The following PCDHGA1 variants were observed in gnomAD, a reference collection of about 807,000 sequenced individuals.
PCDHGA1 encodes the protein protocadherin gamma-A1.
PCDHGA1 carries 32 observed loss-of-function variants against 58.0 expected under a neutral mutation model. The observed-to-expected ratio is 0.55, with a 90% CI of 0.42 to 0.74. The LOEUF is 0.74. PCDHGA1 is among the 30% of genes least tolerant of loss of function. PCDHGA1 has a pLI of 0.00. For synonymous variants in PCDHGA1, 498 were observed against 501.1 expected, an observed-to-expected ratio of 0.99 and a Z score of 0.08; for missense variants, 1,205 against 1,182.3, an observed-to-expected ratio of 1.02 and a Z score of -0.28.
In PCDHGA1 at chr5:141,497,558, TA is replaced by T. The variant is rs543126612; in HGVS notation, c.2480+2694del. 6.7e-3 allele frequency among the ~76,000 whole-genome samples: 979 copies of T among 145,038 alleles called. 16 individuals carry two copies. Among genetic ancestry groups the T allele is most frequent in the African/African-American group, 0.024 (931 of 38,872 alleles). On this transcript the variant is annotated intron_variant, in intron 2 of 3. Coordinates refer to ENST00000517417, the MANE Select transcript of PCDHGA1 (RefSeq NM_018912.3). The stretch of plus-strand genomic sequence containing the variant: ...AACAAACCTTTTTTTTTTTTTTTTT[TA>T]GACAGAGTCTTGCTCTGTTGCCCAA...
At position 141,494,788 on chromosome 5, in the gene PCDHGA1, C is replaced by T. The variant is rs2099756942; in HGVS notation, c.2422-19C>T. The T allele has an allele frequency of 6.2e-7, 1 of 1,614,116 alleles. No homozygotes were observed. The highest frequency in any genetic ancestry group is 8.5e-7 in the Non-Finnish European group (1 of 1,180,000). On this transcript the variant is annotated intron_variant, in intron 1 of 3. Transcript: ENST00000517417. ...CTTCTCACGGGTACTCAGCCCCTTTCCCTCTGTTTTCTCCACAGCAAGCCC... is the reference window on the plus strand; with the variant it reads ...CTTCTCACGGGTACTCAGCCCCTTTTCCTCTGTTTTCTCCACAGCAAGCCC...
At chr5:141,339,087 T>G in intron 1 of PCDHGA1, 1 of 1,614,200 alleles carries the variant, frequency 6.2e-7, no homozygotes, top group Non-Finnish European at 8.5e-7. Flanking sequence ...CGGGAAGAGA[T>G]CGACAGAGGC....
In PCDHGA1 at chr5:141,511,599, C is replaced by G; in HGVS notation, c.*426C>G. 4.0e-6 allele frequency: 1 copy of G among 252,540 alleles called. No homozygotes were observed. Among genetic ancestry groups the G allele is most frequent in the South Asian group, 5.2e-5 (1 of 19,398 alleles). 15.6% of individuals were successfully genotyped at this position (252,540 alleles called of 1,614,324 possible). ...GTTGGGGTGTTGAAGTACCAAGTAA[C>G]CTACAAGCCTCCTAGTTCTGAAAAG... On this transcript the variant is annotated 3_prime_UTR_variant, in exon 4 of 4. Coordinates refer to ENST00000517417, the MANE Select transcript of PCDHGA1 (RefSeq NM_018912.3).
rs1008039711 is a variant in PCDHGA1 at position 141,394,856 on chromosome 5, G to C, written c.2421+61751G>C. 4 of 1,613,674 alleles carry C rather than the reference G, an allele frequency of 2.5e-6. No individual in the cohort carries two copies. In the African/African-American group the frequency reaches 5.3e-5, roughly 22 times the overall value. On this transcript the variant is annotated intron_variant, in intron 1 of 3. Coordinates refer to ENST00000517417, the MANE Select transcript of PCDHGA1 (RefSeq NM_018912.3). ...CCGAGTTGGGCAGTCTGAAGCCTTC[G>C]GTCGACCCGAACGATTCGAGCCTTA... is the stretch of plus-strand genomic sequence containing the variant.
chr5:141,489,312 G>A lies in PCDHGA1; in HGVS notation c.2422-5495G>A, dbSNP rs745541067. The A allele has an allele frequency of 2.5e-6, 4 of 1,594,972 alleles. No homozygotes were observed. The highest frequency in any genetic ancestry group is 2.6e-6 in the Non-Finnish European group (3 of 1,169,822). On this transcript the variant is annotated intron_variant, in intron 1 of 3. Transcript: ENST00000517417. This position sits in a 1 kb window ranked among gnomAD's most constrained non-coding sequence, Gnocchi z 4.5. ...TGTGCATGTTGTCCTTGTGCTGCTG[G>A]GGCTGGGTGTCTGGGCAGCTTCGTT...
intron 1 of PCDHGA1, among the ~76,000 whole-genome samples, chr5:141,346,980 G>A (rs972470913): frequency 1.3e-5 from 2 of 151,996 alleles, no homozygotes; most frequent in African/African-American, 4.8e-5. Context: ...CAAGACAGGT[G>A]ACACTCTTTT....
At chr5:141,488,213 C>T (rs1261280988) in intron 1 of PCDHGA1, among the ~76,000 whole-genome samples, 1 of 152,118 alleles carries the variant, frequency 6.6e-6, no homozygotes, top group Non-Finnish European at 1.5e-5. Context: ...CATATCAAGT[C>T]CCTACTGGGG....
At chr5:141,339,413 CCA>C in intron 1 of PCDHGA1, 1 of 1,614,212 alleles carries the variant, frequency 6.2e-7, no homozygotes, top group Non-Finnish European at 8.5e-7. Flanking sequence ...AACCACTACG[CCA>C]GGATTCCGGA....
intron 1 of PCDHGA1, chr5:141,351,711 C>T (rs754862766): frequency 1.2e-6 from 2 of 1,613,916 alleles, no homozygotes; most frequent in Non-Finnish European, 1.7e-6. Flanking sequence ...GGCAGAGTCT[C>T]CTACTCTATT....
chr5:141,390,210 G>T, intron 1 of PCDHGA1: 1 of 1,614,046 alleles, frequency 6.2e-7, no homozygotes, highest in Non-Finnish European at 8.5e-7. Context: ...TTCAGGACAA[G>T]ACATACTTTG....
intron 1 of PCDHGA1, chr5:141,395,102 G>C: frequency 6.2e-7 from 1 of 1,614,172 alleles, no homozygotes; most frequent in Non-Finnish European, 8.5e-7. Flanking sequence ...CCGCCGACTC[G>C]CGGAAGAGTC....
chr5:141,354,647 C>T (rs1183360310), intron 1 of PCDHGA1, among the ~76,000 whole-genome samples: 1 of 152,198 alleles, frequency 6.6e-6, no homozygotes, highest in Non-Finnish European at 1.5e-5. Flanking sequence ...ATCCATTTTT[C>T]AAGTCCACCT....
intron 1 of PCDHGA1, chr5:141,339,111 A>G: frequency 1.2e-6 from 2 of 1,614,244 alleles, no homozygotes; most frequent in Non-Finnish European, 1.7e-6. Flanking sequence ...TTCGTAGGCA[A>G]CATCGCCAAG....
intron 1 of PCDHGA1, chr5:141,418,385 G>T: frequency 6.2e-7 from 1 of 1,613,930 alleles, no homozygotes; most frequent in Non-Finnish European, 8.5e-7. Context: ...AAGTCCTAAC[G>T]AGTATTTCTC....
chr5:141,468,860 C>A (rs941902317), intron 1 of PCDHGA1, among the ~76,000 whole-genome samples: 16 of 151,980 alleles, frequency 1.1e-4, no homozygotes, highest in Admixed American at 4.6e-4. Context: ...AGCGAGACTC[C>A]ATCTCAAAAA....
chr5:141,463,590 A>G (rs975534405), intron 1 of PCDHGA1, among the ~76,000 whole-genome samples: 3 of 151,848 alleles, frequency 2.0e-5, no homozygotes, highest in African/African-American at 7.3e-5. Flanking sequence ...CTGGGACTAC[A>G]GGTGCCTGCC....
rs540850539 is a variant in PCDHGA1 at position 141,345,785 on chromosome 5, C to T, written c.2421+12680C>T. 85 of 1,614,034 alleles carry T rather than the reference C, an allele frequency of 5.3e-5. No individual in the cohort carries two copies. In the African/African-American group the frequency reaches 8.9e-4, roughly 17 times the overall value. On this transcript the variant is annotated intron_variant, in intron 1 of 3. Coordinates refer to ENST00000517417, the MANE Select transcript of PCDHGA1 (RefSeq NM_018912.3). The stretch of plus-strand genomic sequence containing the variant: ...AGCTGGCGCCTCGCTCCGCAGAGCC[C>T]GGCTACCTGGTGACCAAGGTGGTGG...
chr5:141,477,710 GA>G lies in PCDHGA1; in HGVS notation c.2422-17095del. ...GCCCCTAGACTATGAGGATCGGCGG[GA>G]ATTTGAATTAACAGCTCATATCAGC... On this transcript the variant is annotated intron_variant, in intron 1 of 3. Coordinates refer to ENST00000517417, the MANE Select transcript of PCDHGA1 (RefSeq NM_018912.3). This position sits in a 1 kb window ranked among gnomAD's most constrained non-coding sequence, Gnocchi z 4.9. 2 of 1,613,918 alleles carry G rather than the reference GA, an allele frequency of 1.2e-6. No individual in the cohort carries two copies. Among genetic ancestry groups the G allele is most frequent in the Non-Finnish European group, 1.7e-6 (2 of 1,180,044 alleles).
intron 1 of PCDHGA1, chr5:141,418,910 T>C: frequency 6.2e-7 from 1 of 1,613,936 alleles, no homozygotes; most frequent in East Asian, 2.2e-5. Flanking sequence ...AATCATCACG[T>C]CACTCTCTGA....
Sources: allele counts gnomAD v4.1 joint callset (sites outside exome capture counted in the v4.1 genomes callset), GRCh38; gene constraint gnomAD v4.1.1; non-coding constraint Gnocchi (gnomAD v3.1); transcripts MANE v1.5; gene names NCBI Gene and HGNC (gene_info 2026-07-23, HGNC 2026-07-21).